Variants in UMAD1 observed in about 807,000 individuals in gnomAD.
The protein encoded by UMAD1 is UBAP1-MVB12-associated (UMA) domain containing 1, also known as UBAP1-MVB12-associated (UMA)-domain containing protein 1.
A neutral mutation model predicts 6.1 loss-of-function variants in UMAD1; 8 were observed. That is an observed-to-expected ratio of 1.30 (90% CI 0.76 to 2.35). UMAD1 has a LOEUF of 2.35. Ranked by LOEUF, UMAD1 falls within the 30% of genes most tolerant of loss-of-function variation. The pLI is 0.00. For synonymous variants in UMAD1, 56 were observed against 31.4 expected, an observed-to-expected ratio of 1.78 and a Z score of -2.61; for missense variants, 130 against 78.4, an observed-to-expected ratio of 1.66 and a Z score of -2.49.
intron 2 of UMAD1, among the ~76,000 whole-genome samples, chr7:7,683,823 A>G (rs10277945): frequency 0.54 from 81,929 of 151,968 alleles, 22,873 homozygotes; most frequent in East Asian, 0.8. Context: ...GGGTTTCACC[A>G]TGTTGGCCAG....
intron 3 of UMAD1, 107 bp downstream of exon 3, chr7:7,801,850 G>A: frequency 1.5e-6 from 1 of 651,662 alleles, no homozygotes; most frequent in Non-Finnish European, 2.8e-6. Flanking sequence ...TGCCATAGGT[G>A]CCTGAATACA....
intron 1 of UMAD1, among the ~76,000 whole-genome samples, chr7:7,648,404 G>A (rs147795737): frequency 1.6e-4 from 25 of 152,212 alleles, no homozygotes; most frequent in Non-Finnish European, 2.8e-4. Context: ...TATGTTCCAG[G>A]TGTGTCTGTC....
chr7:7,871,190 A>G (rs1453104824), intron 3 of UMAD1, among the ~76,000 whole-genome samples: 1 of 152,078 alleles, frequency 6.6e-6, no homozygotes, highest in Non-Finnish European at 1.5e-5. Flanking sequence ...CACCTTAATG[A>G]TTTTCTCAGT....
Position 7,667,278 on chromosome 7 carries a change from G to C in UMAD1, c.-63-6031G>C, listed in dbSNP as rs140121646. On this transcript the variant is annotated intron_variant, in intron 1 of 3. Transcript: ENST00000682710. ...TTTCCTGTTTATAAATGTAAAATTT[G>C]CTCATTGTAGACAATTGAAAAAAAT... Among the ~76,000 whole-genome samples, 469 of 152,260 alleles carry C rather than the reference G, an allele frequency of 3.1e-3. 1 individual carries two copies. The highest frequency in any genetic ancestry group is 0.011 in the African/African-American group (455 of 41,552).
chr7:7,776,450 G>C (rs745352808), intron 2 of UMAD1, among the ~76,000 whole-genome samples: 4 of 152,180 alleles, frequency 2.6e-5, no homozygotes, highest in Non-Finnish European at 5.9e-5. Flanking sequence ...GAGCAGATTA[G>C]TGGTAGCCAG....
At chr7:7,831,362 T>A (rs1159483740) in intron 3 of UMAD1, among the ~76,000 whole-genome samples, 2 of 152,188 alleles carry the variant, frequency 1.3e-5, no homozygotes, top group African/African-American at 2.4e-5. Flanking sequence ...TCTTAAAAAA[T>A]TATCTGAAAT....
At chr7:7,681,169 C>G (rs1199377955) in intron 2 of UMAD1, among the ~76,000 whole-genome samples, 1 of 152,016 alleles carries the variant, frequency 6.6e-6, no homozygotes, top group African/African-American at 2.4e-5. Flanking sequence ...CCTTATGTGG[C>G]CTTTATAACC....
At chr7:7,693,333 A>ATCTATCTATCTG (rs1212350431) in intron 2 of UMAD1, among the ~76,000 whole-genome samples, 3 of 151,400 alleles carry the variant, frequency 2.0e-5, no homozygotes, top group African/African-American at 7.4e-5. Context: ...CTATCTATCT[A>ATCTATCTATCTG]TCTACATTAT....
chr7:7,644,469 G>A (rs911230050), intron 1 of UMAD1, among the ~76,000 whole-genome samples: 2 of 150,286 alleles, frequency 1.3e-5, no homozygotes, highest in East Asian at 1.9e-4. Flanking sequence ...TTGATACATC[G>A]TACTCTTAAA....
intron 2 of UMAD1, among the ~76,000 whole-genome samples, chr7:7,776,488 A>G (rs974644477): frequency 2.7e-4 from 41 of 152,184 alleles, no homozygotes; most frequent in African/African-American, 9.9e-4. Flanking sequence ...CATGGGGAAA[A>G]CTAGGTGACG....
intron 2 of UMAD1, among the ~76,000 whole-genome samples, chr7:7,734,055 C>G (rs1457279238): frequency 1.3e-5 from 2 of 151,910 alleles, no homozygotes; most frequent in South Asian, 4.2e-4. Context: ...AGGTTATTCT[C>G]CCCCCCGCAA....
chr7:7,685,084 A>G (rs1780009485), intron 2 of UMAD1, among the ~76,000 whole-genome samples: 1 of 152,192 alleles, frequency 6.6e-6, no homozygotes, highest in Admixed American at 6.5e-5. Context: ...TATTAAAGAT[A>G]TAGATAATGA....
In UMAD1 at chr7:7,652,467, C is replaced by G. The variant is rs28916274; in HGVS notation, c.-64+11646C>G. On this transcript the variant is annotated intron_variant, in intron 1 of 3. Coordinates refer to ENST00000682710, the MANE Select transcript of UMAD1 (RefSeq NM_001302348.2). The stretch of plus-strand genomic sequence containing the variant: ...CAGCAGTCTGAAGCAAGTCATTAGA[C>G]AGCTAGCAATATTTTTGACTAGACT... Among the ~76,000 whole-genome samples the G allele has an allele frequency of 8.6e-3, 1,303 of 152,310 alleles. 25 individuals are homozygous for G. Among genetic ancestry groups the G allele is most frequent in the African/African-American group, 0.03 (1,252 of 41,570 alleles).
At chr7:7,755,077 C>T (rs1188099778) in intron 2 of UMAD1, among the ~76,000 whole-genome samples, 1 of 152,148 alleles carries the variant, frequency 6.6e-6, no homozygotes, top group African/African-American at 2.4e-5. Context: ...AAATCTATCT[C>T]AAAACCAAAT....
At chr7:7,762,758 A>G (rs189678488) in intron 2 of UMAD1, among the ~76,000 whole-genome samples, 103 of 152,312 alleles carry the variant, frequency 6.8e-4, no homozygotes, top group Admixed American at 2.2e-3. Flanking sequence ...TGGACTTGCC[A>G]TATTTCTTTC....
intron 2 of UMAD1, among the ~76,000 whole-genome samples, chr7:7,679,675 A>T (rs1779853417): frequency 7.9e-6 from 1 of 125,958 alleles, no homozygotes; most frequent in South Asian, 2.4e-4. Flanking sequence ...TTTAATTTAT[A>T]GATAAATATA....
intron 2 of UMAD1, among the ~76,000 whole-genome samples, chr7:7,706,404 C>G (rs1191509820): frequency 6.6e-6 from 1 of 152,074 alleles, no homozygotes; most frequent in Non-Finnish European, 1.5e-5. Flanking sequence ...TCAGGAAATA[C>G]CAACAGAGCA....
At chr7:7,791,238 C>G (rs994179481) in intron 2 of UMAD1, among the ~76,000 whole-genome samples, 1 of 152,186 alleles carries the variant, frequency 6.6e-6, no homozygotes, top group Non-Finnish European at 1.5e-5. Flanking sequence ...GCTGTACACA[C>G]CAAAAATATT....
chr7:7,784,422 G>T (rs1317184999), intron 2 of UMAD1, among the ~76,000 whole-genome samples: 1 of 149,326 alleles, frequency 6.7e-6, no homozygotes, highest in African/African-American at 2.5e-5. Context: ...TGCAAGCTCC[G>T]CCTCCCGGGT....
Sources: allele counts gnomAD v4.1 joint callset (sites outside exome capture counted in the v4.1 genomes callset), GRCh38; gene constraint gnomAD v4.1.1; transcripts MANE v1.5; gene names NCBI Gene and HGNC (gene_info 2026-07-23, HGNC 2026-07-21).